The following DOK6 variants were observed in gnomAD, a reference collection of about 807,000 sequenced individuals.
The protein encoded by DOK6 is docking protein 6, also known as downstream of tyrosine kinase 6.
Under a neutral mutation model 44.0 loss-of-function variants are expected in DOK6, and 22 were observed. That is an observed-to-expected ratio of 0.50 (90% CI 0.36 to 0.71). The LOEUF (loss-of-function observed/expected upper bound fraction) is 0.71, where lower values mean the gene tolerates loss of function less well. Among genes scored for constraint, DOK6 ranks in the 30% least tolerant of loss-of-function variants. The pLI is 0.00. For synonymous variants in DOK6, 166 were observed against 145.5 expected, an observed-to-expected ratio of 1.14 and a Z score of -1.01; for missense variants, 340 against 416.4, an observed-to-expected ratio of 0.82 and a Z score of 1.60.
intron 7 of DOK6, among the ~76,000 whole-genome samples, chr18:69,803,994 GT>G (rs1980981511): frequency 1.3e-5 from 2 of 152,102 alleles, no homozygotes; most frequent in African/African-American, 4.8e-5. Context: ...ATGAGTTTTG[GT>G]TAAATATAAA....
intron 3 of DOK6, among the ~76,000 whole-genome samples, chr18:69,631,340 C>A (rs1411797474): frequency 6.6e-6 from 1 of 152,036 alleles, no homozygotes; most frequent in Non-Finnish European, 1.5e-5. Context: ...TAGAGTATTG[C>A]CAGCCAACAA....
At chr18:69,488,360 C>T (rs1980642040) in intron 1 of DOK6, among the ~76,000 whole-genome samples, 1 of 152,168 alleles carries the variant, frequency 6.6e-6, no homozygotes, top group Non-Finnish European at 1.5e-5. Flanking sequence ...CACTGGGTCT[C>T]CCTCCCTCTG....
chr18:69,693,527 A>T (rs1986316215), intron 4 of DOK6, among the ~76,000 whole-genome samples: 1 of 152,134 alleles, frequency 6.6e-6, no homozygotes, highest in Non-Finnish European at 1.5e-5. Flanking sequence ...AGCTGAACAG[A>T]CGTCTGTTTT....
intron 1 of DOK6, among the ~76,000 whole-genome samples, chr18:69,419,178 A>T (rs1026262402): frequency 1.3e-5 from 2 of 152,148 alleles, no homozygotes; most frequent in Admixed American, 6.5e-5. Flanking sequence ...AGAAGACTTC[A>T]TTACTTAGAA....
At chr18:69,813,558 T>A (rs1981307278) in intron 7 of DOK6, among the ~76,000 whole-genome samples, 1 of 152,286 alleles carries the variant, frequency 6.6e-6, no homozygotes, top group African/African-American at 2.4e-5. Context: ...CTAACCTTGA[T>A]GGGCATTTTC....
At chr18:69,549,101 A>AAG (rs1568293461) in intron 1 of DOK6, among the ~76,000 whole-genome samples, 1 of 150,744 alleles carries the variant, frequency 6.6e-6, no homozygotes, top group East Asian at 1.9e-4. Flanking sequence ...GTCTCAAAAA[A>AAG]AAAAAAACAA....
chr18:69,401,962 T>C (rs1036995070), intron 1 of DOK6, among the ~76,000 whole-genome samples: 1 of 152,134 alleles, frequency 6.6e-6, no homozygotes, highest in South Asian at 2.1e-4. Flanking sequence ...TTCCCTATTC[T>C]TGAGAGATGC....
At chr18:69,601,397 C>T (rs549522260) in intron 3 of DOK6, among the ~76,000 whole-genome samples, 11 of 152,118 alleles carry the variant, frequency 7.2e-5, no homozygotes, top group Non-Finnish European at 1.2e-4. Flanking sequence ...TATAATATAT[C>T]GATATTGATC....
chr18:69,520,784 A>G (rs1981663097), intron 1 of DOK6, among the ~76,000 whole-genome samples: 1 of 151,952 alleles, frequency 6.6e-6, no homozygotes, highest in African/African-American at 2.4e-5. Flanking sequence ...GGTCCCAAGC[A>G]TACACAACCT....
Position 69,578,319 on chromosome 18 carries a change from C to A in DOK6, c.174+13725C>A, listed in dbSNP as rs146836771. Among the ~76,000 whole-genome samples, 607 of 152,162 alleles carry A rather than the reference C, an allele frequency of 4.0e-3. 4 individuals carry two copies. The highest frequency in any genetic ancestry group is 0.014 in the African/African-American group (574 of 41,512). ...CAAGTAATAATAACATCATGGCACACAAAGTGAAGAGGTGATCGCGAGTAA... is the reference window on the plus strand; with the variant it reads ...CAAGTAATAATAACATCATGGCACAAAAAGTGAAGAGGTGATCGCGAGTAA... On this transcript the variant is annotated intron_variant, in intron 2 of 7. Transcript: ENST00000382713.
At chr18:69,738,691 C>A (rs907856736) in intron 5 of DOK6, among the ~76,000 whole-genome samples, 1 of 152,146 alleles carries the variant, frequency 6.6e-6, no homozygotes, top group Non-Finnish European at 1.5e-5. Flanking sequence ...ACTGTCATTG[C>A]CTAAATCACC....
At chr18:69,675,268 A>T (rs1460247970) in intron 3 of DOK6, among the ~76,000 whole-genome samples, 1 of 152,172 alleles carries the variant, frequency 6.6e-6, no homozygotes, top group African/African-American at 2.4e-5. Flanking sequence ...GGGACAAAAG[A>T]CTTAACACAA....
chr18:69,766,065 C>T lies in DOK6; in HGVS notation c.856+8192C>T, dbSNP rs910555485. On this transcript the variant is annotated intron_variant, in intron 7 of 7. Transcript: ENST00000382713. Reference sequence around the variant, plus strand: ...GGATCAAGAAATTGTGGTACATATACACCATGGAATACTACCCAGCCATAA... The same window carrying T: ...GGATCAAGAAATTGTGGTACATATATACCATGGAATACTACCCAGCCATAA... Among the ~76,000 whole-genome samples, 7 of 152,118 alleles carry T rather than the reference C, an allele frequency of 4.6e-5. 1 individual carries two copies. Among genetic ancestry groups the T allele is most frequent in the Admixed American group, 1.3e-4 (2 of 15,270 alleles).
At chr18:69,694,184 C>A (rs1268960853) in intron 4 of DOK6, among the ~76,000 whole-genome samples, 2 of 151,656 alleles carry the variant, frequency 1.3e-5, no homozygotes, top group Non-Finnish European at 2.9e-5. Flanking sequence ...CCACCTGGAG[C>A]CTTGCTGCCC....
chr18:69,621,320 G>A lies in DOK6; in HGVS notation c.289+21822G>A, dbSNP rs142937027. Among the ~76,000 whole-genome samples the A allele has an allele frequency of 3.3e-5, 5 of 152,234 alleles. No individual in the cohort carries two copies. The East Asian group carries it at 9.6e-4, about 29-fold the overall frequency. ...TAAAATTGTTACTGACTGAGACTCA[G>A]TAAGTGCTCTATCAGTGTCAGCTAT... On this transcript the variant is annotated intron_variant, in intron 3 of 7. Transcript: ENST00000382713.
At chr18:69,722,174 A>G (rs1978289538) in intron 5 of DOK6, among the ~76,000 whole-genome samples, 1 of 152,208 alleles carries the variant, frequency 6.6e-6, no homozygotes, top group African/African-American at 2.4e-5. Context: ...GAGCTTTGAT[A>G]TTCTTAATAC....
At chr18:69,550,437 A>T (rs1048274392) in intron 1 of DOK6, among the ~76,000 whole-genome samples, 1 of 152,184 alleles carries the variant, frequency 6.6e-6, no homozygotes, top group Non-Finnish European at 1.5e-5. Flanking sequence ...AATTTGAGAA[A>T]CAATATATTT....
chr18:69,613,638 A>T (rs1003017321), intron 3 of DOK6, among the ~76,000 whole-genome samples: 1 of 152,182 alleles, frequency 6.6e-6, no homozygotes, highest in African/African-American at 2.4e-5. Context: ...AAAAAAATAG[A>T]TTATTCTTAC....
At chr18:69,750,132 A>G (rs1305420237) in intron 6 of DOK6, among the ~76,000 whole-genome samples, 1 of 150,854 alleles carries the variant, frequency 6.6e-6, no homozygotes, top group Admixed American at 6.6e-5. Context: ...ACAAGTGCAG[A>G]TGAAACAAAG....
Sources: allele counts gnomAD v4.1 joint callset (sites outside exome capture counted in the v4.1 genomes callset), GRCh38; gene constraint gnomAD v4.1.1; transcripts MANE v1.5; gene names NCBI Gene and HGNC (gene_info 2026-07-23, HGNC 2026-07-21).